Variants in PKD1 observed in about 807,000 individuals in gnomAD.
The protein encoded by PKD1 is polycystin-1.
Under a neutral mutation model 361.7 loss-of-function variants are expected in PKD1, and 81 were observed. The ratio of observed to expected loss-of-function variants is 0.22; its 90% confidence interval spans 0.19 to 0.27. The LOEUF (loss-of-function observed/expected upper bound fraction) is 0.27. Among genes scored for constraint, PKD1 ranks in the 10% least tolerant of loss-of-function variants. The pLI is 1.00. For synonymous variants in PKD1, 3,615 were observed against 2,818.3 expected, an observed-to-expected ratio of 1.28 and a Z score of -8.95; for missense variants, 6,399 against 6,118.3, an observed-to-expected ratio of 1.05 and a Z score of -1.53.
chr16:2,088,866 CGCGCGT>C lies in PKD1; in HGVS notation c.*855_*860del, dbSNP rs944671596. ...GGCTGCCTGGGCCATACAGCACACTCGCGCGTGCGCGCGCGCACACACACACACACA... is the reference window on the plus strand; with the variant it reads ...GGCTGCCTGGGCCATACAGCACACTCGCGCGCGCGCACACACACACACACA... On this transcript the variant is annotated 3_prime_UTR_variant, in exon 46 of 46. Coordinates refer to ENST00000262304, the MANE Select transcript of PKD1 (RefSeq NM_001009944.3). 1.2e-5 allele frequency: 6 copies of C among 505,158 alleles called. No individual in the cohort carries two copies. The highest frequency in any genetic ancestry group is 5.3e-4 in the Middle Eastern group (1 of 1,898). The allele number at this position is 505,158 out of a possible 1,614,324, so 31.3% of individuals were successfully genotyped here. A position where few individuals can be genotyped will look rare whatever the true frequency, so the allele number is the denominator to read the frequency against.
rs993374794 is a variant in PKD1, at chr16:2,105,237, G to A, written c.8016+85C>T. On this transcript the variant is annotated intron_variant, in intron 21 of 45. Transcript: ENST00000262304. ...CCCAGGCTGGAGGCTCAGCTCCTCG[G>A]CCAAGCTGCCCGTCTGCCCTGGGGG... 2.2e-5 allele frequency: 30 copies of A among 1,394,692 alleles called. No homozygotes were observed. The African/African-American group carries it at 3.3e-4, about 15-fold the overall frequency. The allele number at this position is 1,394,692 out of a possible 1,614,324, so 86.4% of individuals were successfully genotyped here. A position where few individuals can be genotyped will look rare whatever the true frequency, so the allele number is the denominator to read the frequency against.
At chr16:2,092,679 C>CT (rs1420232314) in intron 38 of PKD1, 87 bp from the exon 39 acceptor site, 13 of 987,384 alleles carry the variant, frequency 1.3e-5, no homozygotes, top group Non-Finnish European at 2.0e-5. Flanking sequence ...GGGAACATGG[C>CT]TCCCACTGCC....
chr16:2,107,242 G>A, intron 16 of PKD1: 1 of 489,242 alleles, frequency 2.0e-6, no homozygotes, highest in Non-Finnish European at 3.8e-6. Context: ...GGATGCGTGT[G>A]AGAAGAGACG....
rs1344216597 is a variant in PKD1, at chr16:2,097,895, G to A, written c.10140C>T (p.Phe3380=). 13 of 1,604,890 alleles carry A rather than the reference G, an allele frequency of 8.1e-6. No individual in the cohort carries two copies. Among genetic ancestry groups the A allele is most frequent in the South Asian group, 5.5e-5 (5 of 90,864 alleles). ...CLDSSVLDSS[F]LTFSGLHAEQ... The stretch of plus-strand genomic sequence containing the variant: ...CAGCGTGGAGGCCTGAGAACGTGAG[G>A]AAGGAGCTGTCCAGCACGGACGAGT... Residue 3380 remains phenylalanine, a synonymous_variant, in exon 31 of 46, where the codon TTC becomes TTT. Coordinates refer to ENST00000262304, the MANE Select transcript of PKD1 (RefSeq NM_001009944.3).
rs145440592 is a variant in PKD1 at position 2,110,205 on chromosome 16, G to A, written c.4962C>T (p.Ala1654=). 97 of 1,611,578 alleles carry A rather than the reference G, an allele frequency of 6.0e-5. No individual in the cohort carries two copies. The Middle Eastern group carries it at 7.4e-4, about 12-fold the overall frequency. ...FPTNHTVQLQ[A]VVRDGTNVSY... is the part of the protein sequence containing the mutation. ...AGACGTTGGTGCCATCCCTAACCAC[G>A]GCCTGCAGCTGTACCGTGTGGTTGG... The change falls in exon 15 of 46, where the codon GCC becomes GCT. Residue 1654 remains alanine (A), a synonymous_variant. Coordinates refer to ENST00000262304, the MANE Select transcript of PKD1 (RefSeq NM_001009944.3).
chr16:2,127,862 G>A lies in PKD1; in HGVS notation c.215+7613C>T, dbSNP rs1274834233. Among the ~76,000 whole-genome samples the A allele has an allele frequency of 2.7e-5, 4 of 146,752 alleles. No individual in the cohort carries two copies. In the East Asian group the frequency reaches 6.0e-4, roughly 22 times the overall value. ...GGTTCCCAGCCTCCTTCCTGAAACT[G>A]AACAGGAAACTAGAGAGAAGGGACA... On this transcript the variant is annotated intron_variant, in intron 1 of 45. Transcript: ENST00000262304.
chr16:2,110,402 T>G lies in PKD1; in HGVS notation c.4765A>C (p.Thr1589Pro). 6.2e-7 allele frequency: 1 copy of G among 1,612,558 alleles called. No homozygotes were observed. Among genetic ancestry groups the G allele is most frequent in the Non-Finnish European group, 8.5e-7 (1 of 1,179,832 alleles). ...RYSWVLCDRC[T>P]PIPGGPTISY... ...ATGGTAGGACCCCCAGGGATGGGCG[T>G]GCAGCGGTCACAGAGCACCCAGGAA... Residue 1589 changes from threonine to proline, a missense_variant, in exon 15 of 46, where the codon ACG (threonine) becomes CCG (proline). Transcript: ENST00000262304.
rs748316668 is a variant in PKD1, at chr16:2,092,621, C to A, written c.11157-29G>T. On this transcript the variant is annotated intron_variant, in intron 38 of 45. Coordinates refer to ENST00000262304, the MANE Select transcript of PKD1 (RefSeq NM_001009944.3). Reference sequence around the variant, plus strand: ...CCACAGCATCAGTCACACGCTCCAGCCCCTACTGCCCCATGCCCGCCTCGA... The same window carrying A: ...CCACAGCATCAGTCACACGCTCCAGACCCTACTGCCCCATGCCCGCCTCGA... The A allele has an allele frequency of 3.1e-5, 46 of 1,462,584 alleles. No individual in the cohort carries two copies. The East Asian group carries it at 9.4e-4, about 30-fold the overall frequency. The allele number at this position is 1,462,584 out of a possible 1,614,324, so 90.6% of individuals were successfully genotyped here. A position where few individuals can be genotyped will look rare whatever the true frequency, so the allele number is the denominator to read the frequency against.
chr16:2,095,914 G>C (rs747791877), intron 34 of PKD1, among the ~76,000 whole-genome samples: 1 of 126,286 alleles, frequency 7.9e-6, no homozygotes, highest in Non-Finnish European at 1.7e-5. Context: ...CCCATACTCT[G>C]TATTTTTAAA....
At chr16:2,122,475 G>A (rs530955516) in intron 1 of PKD1, among the ~76,000 whole-genome samples, 1 of 152,228 alleles carries the variant, frequency 6.6e-6, no homozygotes, top group East Asian at 1.9e-4. Flanking sequence ...GTAGGGACAC[G>A]GGCTGAGGTG....
rs780508020 is a variant in PKD1 at position 2,114,232 on chromosome 16, G to T, written c.2791C>A (p.Pro931Thr). The T allele has an allele frequency of 4.3e-6, 7 of 1,609,576 alleles. No homozygotes were observed. The highest frequency in any genetic ancestry group is 5.9e-6 in the Non-Finnish European group (7 of 1,179,060). ...GGCGTGGCGCGGAGGCCACAGATGGGCTCCTCCGCCGTCACCCGCAGGCTG... is the reference window on the plus strand; with the variant it reads ...GGCGTGGCGCGGAGGCCACAGATGGTCTCCTCCGCCGTCACCCGCAGGCTG... ...NLSLRVTAEE[P>T]ICGLRATPSP... The change falls in exon 11 of 46, where the codon CCC (proline) becomes ACC (threonine). Residue 931 changes from proline to threonine, a missense_variant. Coordinates refer to ENST00000262304, the MANE Select transcript of PKD1 (RefSeq NM_001009944.3).
rs1228376652 is a variant in PKD1 at position 2,092,180 on chromosome 16, G to A, written c.11278C>T (p.Pro3760Ser). 1 of 1,603,132 alleles carries A rather than the reference G, an allele frequency of 6.2e-7. No homozygotes were observed. Among genetic ancestry groups the A allele is most frequent in the Non-Finnish European group, 8.5e-7 (1 of 1,176,004 alleles). ...TGGACCCTGGGGCCGGGAGGGTCTG[G>A]GTAGAGTGCTGAAACACACAGAGCC... is the stretch of plus-strand genomic sequence containing the variant. ...RQVRLQEALY[P>S]DPPGPRVHTC... Residue 3760 changes from proline to serine, a missense_variant, in exon 40 of 46, where the codon CCA becomes TCA. Coordinates refer to ENST00000262304, the MANE Select transcript of PKD1 (RefSeq NM_001009944.3).
intron 30 of PKD1, 54 bp from the exon 31 acceptor site, chr16:2,098,038 G>T (rs2091918839): frequency 7.6e-6 from 7 of 921,454 alleles, no homozygotes; most frequent in East Asian, 7.3e-5. Context: ...GCTCAGGACA[G>T]GGATGAGAAG....
chr16:2,101,889 A>G (rs1179724252), intron 26 of PKD1, 172 bp downstream of exon 26: 15 of 641,732 alleles, frequency 2.3e-5, no homozygotes, highest in African/African-American at 5.4e-5. Flanking sequence ...CCTAGTCCTC[A>G]GGGACAGTGA....
At position 2,104,517 on chromosome 16, in the gene PKD1, G is replaced by A. The variant is rs865797451; in HGVS notation, c.8142C>T (p.Asp2714=). 8 of 1,548,748 alleles carry A rather than the reference G, an allele frequency of 5.2e-6. No homozygotes were observed. The Admixed American group carries it at 5.6e-5, about 11-fold the overall frequency. Residue 2714 remains aspartate (D), a synonymous_variant, in exon 22 of 46, where the codon GAC becomes GAT. Transcript: ENST00000262304. ...AGTVTPTAIG[D]SILNITGDLI... The stretch of plus-strand genomic sequence containing the variant: ...CGGCACCTGTGATGTTGAGGATGCT[G>A]TCTCCGATGGCGGTGGGCGTCACGG...
rs1555444985 is a variant in PKD1, at chr16:2,090,781, G to A, written c.12031C>T (p.Gln4011Ter). 1.2e-6 allele frequency: 2 copies of A among 1,612,578 alleles called. No individual in the cohort carries two copies. Among genetic ancestry groups the A allele is most frequent in the Non-Finnish European group, 1.7e-6 (2 of 1,179,954 alleles). ...AATGTCTTGCCAAAGACGGACCACT[G>A]GCGCACGAAGCGTAGCTGCTGGGCA... ...KAAQQLRFVR[Q>*]WSVFGKTLCR... Residue 4011 changes from glutamine (Q) to a stop codon, truncating the protein, a stop_gained, in exon 44 of 46, where the codon CAG (glutamine) becomes TAG (stop). Coordinates refer to ENST00000262304, the MANE Select transcript of PKD1 (RefSeq NM_001009944.3). LOFTEE classifies it high-confidence loss of function.
rs539275958 is a variant in PKD1, at chr16:2,092,871, T to C, written c.11156+83A>G. On this transcript the variant is annotated intron_variant, in intron 38 of 45. Transcript: ENST00000262304. Reference sequence around the variant, plus strand: ...TAGCAGCCACAAAGGTATCTACACATGTCCACATGTCCCCTAGGGTCTGGC... The same window carrying C: ...TAGCAGCCACAAAGGTATCTACACACGTCCACATGTCCCCTAGGGTCTGGC... The C allele has an allele frequency of 1.0e-4, 153 of 1,512,878 alleles. 1 individual carries two copies. The highest frequency in any genetic ancestry group is 1.3e-4 in the Non-Finnish European group (144 of 1,090,334). 93.7% of individuals were successfully genotyped at this position (1,512,878 alleles called of 1,614,324 possible). A position where few individuals can be genotyped will look rare whatever the true frequency, so the allele number is the denominator to read the frequency against.
In PKD1 at chr16:2,109,207, C is replaced by T. The variant is rs527929848; in HGVS notation, c.5960G>A (p.Gly1987Asp). 77 of 1,595,956 alleles carry T rather than the reference C, an allele frequency of 4.8e-5. No homozygotes were observed. The South Asian group carries it at 7.4e-4, about 15-fold the overall frequency. Residue 1987 changes from glycine (G) to aspartate (D), a missense_variant, in exon 15 of 46, where the codon GGC becomes GAC. Gly to Asp is a moderately conservative substitution (Grantham distance 94). Transcript: ENST00000262304. ...GCGGGCTGTGAAGTTCCTCTCAGTG[C>T]CCGTGGCGATGCCAGGCTCGCAGCA... ...PNCCEPGIAT[G>D]TERNFTARVQ...
rs62625018 is a variant in PKD1 at position 2,108,711 on chromosome 16, G to A, written c.6456C>T (p.Asp2152=). ...TCAGCACCTGCAGGGGCAGGACCAC[G>A]TCCACCTCCGGCTCCCGGCAGGCCA... ...QVLACREPEV[D]VVLPLQVLMR... Residue 2152 remains aspartate (D), a synonymous_variant, in exon 15 of 46, where the codon GAC becomes GAT. Coordinates refer to ENST00000262304, the MANE Select transcript of PKD1 (RefSeq NM_001009944.3). 4.0e-4 allele frequency: 626 copies of A among 1,570,352 alleles called. No homozygotes were observed. The highest frequency in any genetic ancestry group is 5.0e-4 in the Non-Finnish European group (582 of 1,158,734).
Sources: gnomAD v4.1 joint callset for allele counts (sites outside exome capture counted in the v4.1 genomes callset) on GRCh38, gnomAD v4.1.1 for gene constraint, MANE v1.5 for transcripts, NCBI Gene and HGNC (gene_info 2026-07-23, HGNC 2026-07-21) for gene names.